DNAH12: variants seen among roughly 807,000 people sequenced by gnomAD.
DNAH12 encodes the protein axonemal beta dynein heavy chain 12.
A neutral mutation model predicts 371.5 loss-of-function variants in DNAH12; 285 were observed. The ratio of observed to expected loss-of-function variants is 0.77; its 90% CI spans 0.70 to 0.85. The LOEUF (loss-of-function observed/expected upper bound fraction) is 0.85, where lower values mean the gene tolerates loss of function less well. DNAH12 is among the 40% of genes least tolerant of loss of function. The probability of loss-of-function intolerance (pLI) is 0.00; values close to 1 mark genes in which losing one functional copy is unlikely to be tolerated. For missense variants in DNAH12, 3,611 were observed against 3,689.4 expected, an observed-to-expected ratio of 0.98 and a Z score of 0.55; for synonymous variants, 1,200 against 1,213.0, an observed-to-expected ratio of 0.99 and a Z score of 0.22.
intron 4 of DNAH12, among the ~76,000 whole-genome samples, chr3:57,520,583 C>A (rs1037915932): frequency 2.0e-5 from 3 of 151,660 alleles, no homozygotes; most frequent in African/African-American, 7.3e-5. Flanking sequence ...GCTGGGACTA[C>A]AGGCGCCCGC....
intron 11 of DNAH12, chr3:57,498,359 C>A: frequency 1.6e-6 from 1 of 608,830 alleles, no homozygotes; most frequent in Non-Finnish European, 2.9e-6. Flanking sequence ...CTCTGTCACT[C>A]AAGTTGGAGT....
intron 13 of DNAH12, among the ~76,000 whole-genome samples, chr3:57,478,968 A>G (rs1326892951): frequency 6.6e-6 from 1 of 152,216 alleles, no homozygotes; most frequent in Non-Finnish European, 1.5e-5. Context: ...CACTGCAAAA[A>G]CGTGCCAAAT....
chr3:57,500,152 T>A (rs1044758913), intron 11 of DNAH12, among the ~76,000 whole-genome samples: 2 of 88,674 alleles, frequency 2.3e-5, no homozygotes, highest in African/African-American at 7.3e-5. Context: ...GCGATCCTAC[T>A]CCTCAGCCCC....
chr3:57,321,978 T>C (rs1323811612), intron 65 of DNAH12, among the ~76,000 whole-genome samples: 1 of 152,042 alleles, frequency 6.6e-6, no homozygotes, highest in Non-Finnish European at 1.5e-5. Flanking sequence ...TTCTCATTGC[T>C]TTATATCTAC....
At chr3:57,370,712 C>A (rs2063152142) in intron 55 of DNAH12, among the ~76,000 whole-genome samples, 1 of 152,096 alleles carries the variant, frequency 6.6e-6, no homozygotes, top group African/African-American at 2.4e-5. Flanking sequence ...ATACATACAT[C>A]CACACATATC....
At chr3:57,438,333 AAAAAC>A (rs57965030) in intron 29 of DNAH12, among the ~76,000 whole-genome samples, 100,005 of 150,720 alleles carry the variant, frequency 0.66, 33,443 homozygotes, top group South Asian at 0.8. Context: ...ACAAACAAAC[AAAAAC>A]AAAACAAAAC....
chr3:57,366,405 C>T (rs1315614045), intron 57 of DNAH12, among the ~76,000 whole-genome samples: 1 of 152,100 alleles, frequency 6.6e-6, no homozygotes, highest in African/African-American at 2.4e-5. Context: ...TCTTAATAAA[C>T]TTGCTTTCAT....
chr3:57,325,943 C>T (rs912163931), intron 62 of DNAH12, among the ~76,000 whole-genome samples: 41 of 152,144 alleles, frequency 2.7e-4, no homozygotes, highest in Middle Eastern at 3.4e-3. Flanking sequence ...GGAGCCGATG[C>T]GATCAGCTGG....
In DNAH12 at chr3:57,393,550, C is replaced by T. The variant is rs1470431284; in HGVS notation, c.7110+621G>A. Among the ~76,000 whole-genome samples the T allele has an allele frequency of 3.7e-5, 5 of 136,252 alleles. No homozygotes were observed. In the South Asian group the frequency reaches 7.6e-4, roughly 21 times the overall value. The allele number at this position is 136,252 out of a possible 152,430, so 89.4% of individuals were successfully genotyped here. A position where few individuals can be genotyped will look rare whatever the true frequency, so the allele number is the denominator to read the frequency against. ...CTGAGGCAGGAGAATGGCGTGAACC[C>T]GGGAGGCGGAGGTTGCAGTGAGGCG... On this transcript the variant is annotated intron_variant, in intron 44 of 73. Transcript: ENST00000495027.
rs554325533 is a variant in DNAH12 at position 57,453,533 on chromosome 3, G to A, written c.3457-130C>T. On this transcript the variant is annotated intron_variant, in intron 23 of 73. Coordinates refer to ENST00000495027, the MANE Select transcript of DNAH12 (RefSeq NM_001366028.2). ...TCTCAATATAGAAATGAGTTCAAGC[G>A]TGGTGGCTCATGCCTAAAATCCCAG... The A allele has an allele frequency of 3.2e-5, 25 of 792,670 alleles. No homozygotes were observed. In the East Asian group the frequency reaches 6.4e-4, roughly 20 times the overall value. 49.1% of individuals were successfully genotyped at this position (792,670 alleles called of 1,614,324 possible).
At chr3:57,444,382 G>C (rs1412102699) in intron 29 of DNAH12, among the ~76,000 whole-genome samples, 1 of 151,992 alleles carries the variant, frequency 6.6e-6, no homozygotes, top group Non-Finnish European at 1.5e-5. Flanking sequence ...AGTGGAGACA[G>C]GGTTTCACCA....
At chr3:57,448,344 A>T (rs1197249879) in intron 25 of DNAH12, among the ~76,000 whole-genome samples, 1 of 151,608 alleles carries the variant, frequency 6.6e-6, no homozygotes, top group African/African-American at 2.4e-5. Context: ...GCACGTCTGG[A>T]CTTGTTCATT....
At chr3:57,436,031 AGAG>A in intron 30 of DNAH12, among the ~76,000 whole-genome samples, 1 of 152,028 alleles carries the variant, frequency 6.6e-6, no homozygotes, top group East Asian at 1.9e-4. Flanking sequence ...ATATGTGCCC[AGAG>A]AAGAAAATGG....
chr3:57,509,734 C>T (rs147682877), intron 5 of DNAH12, among the ~76,000 whole-genome samples: 3,243 of 151,534 alleles, frequency 0.021, 47 homozygotes, highest in Non-Finnish European at 0.032. Flanking sequence ...TGGTGGCAGG[C>T]GCCTGTAGTC....
chr3:57,461,627 A>G lies in DNAH12; in HGVS notation c.2598T>C (p.His866=). The G allele has an allele frequency of 6.4e-7, 1 of 1,551,338 alleles. No individual in the cohort carries two copies. Among genetic ancestry groups the G allele is most frequent in the Non-Finnish European group, 8.7e-7 (1 of 1,146,848 alleles). Residue 866 remains histidine, a synonymous_variant, in exon 19 of 74, where the codon CAT becomes CAC. Transcript: ENST00000495027. ...CTCCAGTGTCACGATACAGACTTAT[A>G]TGAAAAGCAATATCTTCCCAAGTTC... is the stretch of plus-strand genomic sequence containing the variant. ...MIGTWEDIAF[H]ISLYRDTGVC...
At chr3:57,521,750 G>C (rs1041574453) in intron 4 of DNAH12, among the ~76,000 whole-genome samples, 3 of 151,872 alleles carry the variant, frequency 2.0e-5, no homozygotes, top group African/African-American at 7.3e-5. Flanking sequence ...AGCTCGGCAT[G>C]GTGGCAGGCG....
rs1167991802 is a variant in DNAH12 at position 57,497,142 on chromosome 3, G to A, written c.1335+4179C>T. On this transcript the variant is annotated intron_variant, in intron 11 of 73. Coordinates refer to ENST00000495027, the MANE Select transcript of DNAH12 (RefSeq NM_001366028.2). The stretch of plus-strand genomic sequence containing the variant: ...TACACACTATGGTCATGTATTGAAA[G>A]CTTCTATTTCAAGATGGCAGTTCTT... 2.6e-5 allele frequency among the ~76,000 whole-genome samples: 4 copies of A among 152,192 alleles called. No individual in the cohort carries two copies. In the East Asian group the frequency reaches 7.7e-4, roughly 29 times the overall value.
At position 57,419,411 on chromosome 3, in the gene DNAH12, T is replaced by C. The variant is rs1217969230; in HGVS notation, c.5670A>G (p.Thr1890=). 1 of 1,513,564 alleles carries C rather than the reference T, an allele frequency of 6.6e-7. No homozygotes were observed. The highest frequency in any genetic ancestry group is 2.3e-5 in the Admixed American group (1 of 42,668). The allele number at this position is 1,513,564 out of a possible 1,614,324, so 93.8% of individuals were successfully genotyped here. A position where few individuals can be genotyped will look rare whatever the true frequency, so the allele number is the denominator to read the frequency against. Residue 1890 remains threonine (T), a synonymous_variant, in exon 37 of 74, where the codon ACA becomes ACG. Coordinates refer to ENST00000495027, the MANE Select transcript of DNAH12 (RefSeq NM_001366028.2). ...IQDIIVPTMD[T]IRYTFLMDLS... is the part of the protein sequence containing the mutation. Reference sequence around the variant, plus strand: ...AATCCATTAGAAACGTATATCTAATTGTGTCCATCGTAGGGACTATGATAT... The same window carrying C: ...AATCCATTAGAAACGTATATCTAATCGTGTCCATCGTAGGGACTATGATAT...
Position 57,499,669 on chromosome 3 carries a change from T to TACACAC in DNAH12, c.1335+1651_1335+1652insGTGTGT, listed in dbSNP as rs1447875700. Among the ~76,000 whole-genome samples the TACACAC allele has an allele frequency of 8.0e-5, 4 of 49,728 alleles. 1 individual carries two copies. Among genetic ancestry groups the TACACAC allele is most frequent in the African/African-American group, 2.6e-4 (3 of 11,682 alleles). The allele number at this position is 49,728 out of a possible 152,430, so 32.6% of individuals were successfully genotyped here. On this transcript the variant is annotated intron_variant, in intron 11 of 73. Transcript: ENST00000495027. ...AAAAATATATATATATATATATATA[T>TACACAC]ATATATACTTCTTAAAAAAATTAGC...
Sources: gnomAD v4.1 joint callset for allele counts (sites outside exome capture counted in the v4.1 genomes callset) on GRCh38, gnomAD v4.1.1 for gene constraint, MANE v1.5 for transcripts, NCBI Gene and HGNC (gene_info 2026-07-23, HGNC 2026-07-21) for gene names.